NBAS: variants seen among roughly 807,000 people sequenced by gnomAD.
NBAS encodes NBAS subunit of NRZ tethering complex.
A neutral mutation model predicts 302.5 loss-of-function variants in NBAS; 219 were observed. That is an observed-to-expected ratio of 0.72 (90% CI 0.65 to 0.81). The LOEUF (loss-of-function observed/expected upper bound fraction) is 0.81, where lower values mean the gene tolerates loss of function less well. Among genes scored for constraint, NBAS ranks in the 30% least tolerant of loss-of-function variants. The pLI is 0.00. For missense variants in NBAS, 2,932 were observed against 2,841.6 expected (o/e 1.03, Z -0.72); for synonymous variants, 1,118 against 1,021.6 (o/e 1.09, Z -1.80).
At chr2:14,940,089 C>A in the NBAS span, among the ~76,000 whole-genome samples, 4 of 152,226 alleles carry the variant, frequency 2.6e-5, no homozygotes, top group African/African-American at 9.6e-5. Context: ...CACTAGTTTA[C>A]CCCCTACAGT....
At chr2:15,455,432 AAC>A (rs2148547337) in intron 21 of NBAS, among the ~76,000 whole-genome samples, 1 of 152,296 alleles carries the variant, frequency 6.6e-6, no homozygotes, top group Non-Finnish European at 1.5e-5. Flanking sequence ...GAAGAAAAAA[AAC>A]CTAGGTGAAT....
At chr2:15,447,071 A>G in intron 21 of NBAS, among the ~76,000 whole-genome samples, 1 of 152,240 alleles carries the variant, frequency 6.6e-6, no homozygotes, top group East Asian at 1.9e-4. Flanking sequence ...AACGAATACC[A>G]AATGCCAACA....
At chr2:14,922,292 G>A in the NBAS span, among the ~76,000 whole-genome samples, 1 of 152,228 alleles carries the variant, frequency 6.6e-6, no homozygotes, top group Non-Finnish European at 1.5e-5. Flanking sequence ...GAGCATTTAA[G>A]TTTTAATAAT....
the NBAS span, among the ~76,000 whole-genome samples, chr2:15,148,821 T>C: frequency 1.3e-5 from 2 of 152,202 alleles, no homozygotes; most frequent in African/African-American, 2.4e-5. Context: ...GATGATAGTT[T>C]TCTCTTTACT....
chr2:15,099,402 A>G, the NBAS span, among the ~76,000 whole-genome samples: 15 of 152,112 alleles, frequency 9.9e-5, no homozygotes, highest in African/African-American at 3.6e-4. Flanking sequence ...CAAATATCCT[A>G]CAATGGACAT....
At chr2:15,344,333 C>G (rs920075712) in intron 35 of NBAS, among the ~76,000 whole-genome samples, 1 of 152,110 alleles carries the variant, frequency 6.6e-6, no homozygotes, top group Non-Finnish European at 1.5e-5. Context: ...GATATCACCA[C>G]TAACCCCACA....
the NBAS span, among the ~76,000 whole-genome samples, chr2:15,111,804 A>G: frequency 6.6e-6 from 1 of 151,190 alleles, no homozygotes. Context: ...TCTCATTAAA[A>G]TAATAGAAGA....
At chr2:15,047,615 A>ATGAAGGCTGGGCCCATGCAGG in the NBAS span, among the ~76,000 whole-genome samples, 4 of 107,106 alleles carry the variant, frequency 3.7e-5, no homozygotes, top group African/African-American at 1.5e-4. Context: ...ACCCATGCAG[A>ATGAAGGCTGGGCCCATGCAGG]TGAAGGCTGG....
intron 35 of NBAS, among the ~76,000 whole-genome samples, chr2:15,340,685 G>A (rs1003744417): frequency 2.0e-5 from 3 of 152,242 alleles, no homozygotes; most frequent in African/African-American, 7.2e-5. Flanking sequence ...CAGAGATGAT[G>A]TTTAAAGACT....
At position 15,266,672 on chromosome 2, in the gene NBAS, G is replaced by C. The variant is rs964689622; in HGVS notation, c.5724+8812C>G. Among the ~76,000 whole-genome samples, 6 of 152,292 alleles carry C rather than the reference G, an allele frequency of 3.9e-5. No homozygotes were observed. In the East Asian group the frequency reaches 1.2e-3, roughly 29 times the overall value. On this transcript the variant is annotated intron_variant, in intron 44 of 51. Transcript: ENST00000281513. ...GAATTTCTTGATTTCAAGATTGCTTGTCAGTGTTTGTTGGTTTCCCCTCAT... is the reference window on the plus strand; with the variant it reads ...GAATTTCTTGATTTCAAGATTGCTTCTCAGTGTTTGTTGGTTTCCCCTCAT...
At chr2:15,537,464 A>G (rs1041882813) in intron 7 of NBAS, among the ~76,000 whole-genome samples, 27 of 152,184 alleles carry the variant, frequency 1.8e-4, no homozygotes, top group Non-Finnish European at 3.1e-4. Context: ...ACATCTCAAC[A>G]ATTTATATCC....
rs138435028 is a variant in NBAS at position 15,238,749 on chromosome 2, G to C, written c.5725-63C>G. On this transcript the variant is annotated intron_variant, in intron 44 of 51. Transcript: ENST00000281513. Reference sequence around the variant, plus strand: ...TTATTACCTATTGCATATTCAGCAAGTGTTAATGAGTTAGAACAAAAGTGA... The same window carrying C: ...TTATTACCTATTGCATATTCAGCAACTGTTAATGAGTTAGAACAAAAGTGA... The C allele has an allele frequency of 5.4e-4, 779 of 1,432,892 alleles. 7 individuals are homozygous for C. In the African/African-American group the frequency reaches 0.01, roughly 19 times the overall value. The allele number at this position is 1,432,892 out of a possible 1,614,324, so 88.8% of individuals were successfully genotyped here.
rs1671171740 is a variant in NBAS, at chr2:15,309,249, T to C, written c.4583-2A>G. On this transcript the variant is annotated splice_acceptor_variant, in intron 38 of 51. Coordinates refer to ENST00000281513, the MANE Select transcript of NBAS (RefSeq NM_015909.4). LOFTEE classifies it high-confidence loss of function. ...CTTCACTTGCTAGTTGCAAGAGAAC[T>C]GAATGCAGAAAAAGAAACATTATTT... 6.2e-7 allele frequency: 1 copy of C among 1,609,634 alleles called. No homozygotes were observed. The highest frequency in any genetic ancestry group is 1.3e-5 in the African/African-American group (1 of 74,766).
intron 35 of NBAS, among the ~76,000 whole-genome samples, chr2:15,348,964 A>G (rs1356920961): frequency 1.3e-5 from 2 of 152,200 alleles, no homozygotes; most frequent in Admixed American, 6.5e-5. Flanking sequence ...AAAACTTCAC[A>G]AAGAAAATAC....
the NBAS span, among the ~76,000 whole-genome samples, chr2:14,893,379 TTTC>T: frequency 6.6e-6 from 1 of 152,190 alleles, no homozygotes; most frequent in Non-Finnish European, 1.5e-5. Context: ...TCTTTAATAT[TTTC>T]TTCTTCCTAG....
At position 15,450,343 on chromosome 2, in the gene NBAS, C is replaced by T. The variant is rs971219668; in HGVS notation, c.2339+10858G>A. Among the ~76,000 whole-genome samples, 21 of 152,156 alleles carry T rather than the reference C, an allele frequency of 1.4e-4. 1 individual carries two copies. The highest frequency in any genetic ancestry group is 4.4e-5 in the Non-Finnish European group (3 of 68,030). ...AAATACTTTGGATTAAATATACATT[C>T]AGACACTTCTTTCCTACTCAAATTT... On this transcript the variant is annotated intron_variant, in intron 21 of 51. Transcript: ENST00000281513.
the NBAS span, among the ~76,000 whole-genome samples, chr2:15,039,554 T>G: frequency 2.6e-5 from 4 of 152,216 alleles, no homozygotes; most frequent in African/African-American, 9.6e-5. Flanking sequence ...CAGCTCAATA[T>G]TCTATGCACA....
At chr2:15,264,389 T>C (rs1424132042) in intron 44 of NBAS, among the ~76,000 whole-genome samples, 2 of 152,200 alleles carry the variant, frequency 1.3e-5, no homozygotes, top group African/African-American at 2.4e-5. Flanking sequence ...CAGCTCAGCA[T>C]CCCACCAGAG....
At chr2:15,432,988 T>C (rs1176332006) in intron 21 of NBAS, among the ~76,000 whole-genome samples, 1 of 152,122 alleles carries the variant, frequency 6.6e-6, no homozygotes, top group Non-Finnish European at 1.5e-5. Flanking sequence ...AGGCTAGCAA[T>C]GTGTAAAAGA....
Sources: allele counts gnomAD v4.1 joint callset (sites outside exome capture counted in the v4.1 genomes callset), GRCh38; gene constraint gnomAD v4.1.1; transcripts MANE v1.5; gene names NCBI Gene and HGNC (gene_info 2026-07-23, HGNC 2026-07-21).